The following PRELID2 variants were observed in gnomAD, a reference collection of about 807,000 sequenced individuals.
PRELID2 encodes PRELI domain-containing protein 2.
In PRELID2, 25 loss-of-function variants were observed where a neutral mutation model predicts 28.4. That is an observed-to-expected ratio of 0.88 (90% confidence interval 0.64 to 1.23). The LOEUF (loss-of-function observed/expected upper bound fraction) is 1.23. PRELID2 is among the 50% of genes most tolerant of loss of function. The probability of loss-of-function intolerance (pLI) is 0.00; values close to 1 mark genes in which losing one functional copy is unlikely to be tolerated. For synonymous variants in PRELID2, 76 were observed against 71.6 expected (o/e 1.06, Z -0.31); for missense variants, 201 against 214.4 (o/e 0.94, Z 0.39).
the PRELID2 span, among the ~76,000 whole-genome samples, chr5:145,417,308 C>T: frequency 1.9e-3 from 293 of 152,236 alleles, 2 homozygotes; most frequent in African/African-American, 6.8e-3. Context: ...CAGCTGAATT[C>T]TACCAAAGGT....
the PRELID2 span, among the ~76,000 whole-genome samples, chr5:145,233,965 C>G: frequency 2.6e-5 from 4 of 152,160 alleles, no homozygotes; most frequent in Non-Finnish European, 5.9e-5. Flanking sequence ...ACACTGCTTT[C>G]AGAGTCTTTG....
chr5:145,245,713 G>A, the PRELID2 span, among the ~76,000 whole-genome samples: 24 of 152,154 alleles, frequency 1.6e-4, no homozygotes, highest in African/African-American at 5.8e-4. Flanking sequence ...GTGGATTCAA[G>A]CAGCTCTTAA....
the PRELID2 span, among the ~76,000 whole-genome samples, chr5:145,236,245 T>G: frequency 1.3e-5 from 2 of 152,164 alleles, no homozygotes; most frequent in African/African-American, 4.8e-5. Flanking sequence ...GCTGTGTCTC[T>G]TGCAGTATCC....
the PRELID2 span, among the ~76,000 whole-genome samples, chr5:145,374,938 G>C: frequency 6.6e-6 from 1 of 152,118 alleles, no homozygotes; most frequent in African/African-American, 2.4e-5. Flanking sequence ...TGCTACTTCA[G>C]CTCAGCATTG....
At chr5:145,780,302 C>A (rs1214786066) in intron 5 of PRELID2, among the ~76,000 whole-genome samples, 20 of 152,184 alleles carry the variant, frequency 1.3e-4, no homozygotes, top group Non-Finnish European at 2.8e-4. Flanking sequence ...CGCCTCAAAA[C>A]GACAACAATA....
chr5:145,646,453 T>G (rs1202870299), intron 1 of PRELID2, among the ~76,000 whole-genome samples: 1 of 152,204 alleles, frequency 6.6e-6, no homozygotes, highest in Non-Finnish European at 1.5e-5. Flanking sequence ...TTCAAGGTTC[T>G]TAGCTTCCTT....
the PRELID2 span, among the ~76,000 whole-genome samples, chr5:145,432,347 A>G: frequency 6.6e-6 from 1 of 151,916 alleles, no homozygotes; most frequent in Admixed American, 6.6e-5. Flanking sequence ...TTTAATTTTA[A>G]GGAACTTCCC....
intron 1 of PRELID2, among the ~76,000 whole-genome samples, chr5:145,489,312 A>G (rs1752247785): frequency 1.3e-5 from 2 of 152,342 alleles, no homozygotes; most frequent in East Asian, 1.9e-4. Flanking sequence ...TCAATAACAA[A>G]TAACTTCAGT....
chr5:145,726,565 A>C, intron 1 of PRELID2, among the ~76,000 whole-genome samples: 1 of 152,244 alleles, frequency 6.6e-6, no homozygotes, highest in East Asian at 1.9e-4. Flanking sequence ...ATGTAGACAG[A>C]TAGGCGAATA....
the PRELID2 span, among the ~76,000 whole-genome samples, chr5:145,324,052 A>G: frequency 1.3e-5 from 2 of 152,238 alleles, no homozygotes; most frequent in Non-Finnish European, 2.9e-5. Context: ...TGCTTTCCAC[A>G]ATGGCTGAAT....
At chr5:145,739,870 A>T (rs1182302724) in intron 1 of PRELID2, among the ~76,000 whole-genome samples, 2 of 151,894 alleles carry the variant, frequency 1.3e-5, no homozygotes, top group Non-Finnish European at 1.5e-5. Flanking sequence ...CCATTATGTA[A>T]ATTAATCAAA....
intron 1 of PRELID2, among the ~76,000 whole-genome samples, chr5:145,534,847 T>C (rs1752685962): frequency 6.6e-6 from 1 of 151,984 alleles, no homozygotes; most frequent in Admixed American, 6.6e-5. Flanking sequence ...ACTTCCAGAC[T>C]GTAACTAGAG....
the PRELID2 span, among the ~76,000 whole-genome samples, chr5:145,418,409 C>A: frequency 1.3e-5 from 2 of 152,006 alleles, no homozygotes; most frequent in African/African-American, 4.8e-5. Flanking sequence ...TCATAGAGAA[C>A]CAAAAAATAG....
chr5:145,376,057 T>C, the PRELID2 span, among the ~76,000 whole-genome samples: 684 of 152,342 alleles, frequency 4.5e-3, 2 homozygotes, highest in African/African-American at 0.016. Context: ...CTTATTATTT[T>C]GAGGTATTTG....
chr5:145,761,330 C>T (rs191657602), intron 6 of PRELID2, among the ~76,000 whole-genome samples: 16 of 152,258 alleles, frequency 1.1e-4, no homozygotes, highest in African/African-American at 2.9e-4. Context: ...CCATTGTGTA[C>T]GCGCATTGGA....
intron 1 of PRELID2, among the ~76,000 whole-genome samples, chr5:145,652,744 G>C (rs945663553): frequency 1.2e-4 from 19 of 152,028 alleles, no homozygotes; most frequent in Non-Finnish European, 2.6e-4. Context: ...AGAGCTCCTG[G>C]AGGAAGCACT....
the PRELID2 span, among the ~76,000 whole-genome samples, chr5:145,293,254 A>G: frequency 6.6e-6 from 1 of 152,138 alleles, no homozygotes; most frequent in Non-Finnish European, 1.5e-5. Context: ...CGTTATATAG[A>G]CTTGGGTATC....
rs1304274069 is a variant in PRELID2, at chr5:145,756,593, T to A, written c.*3943A>T. Among the ~76,000 whole-genome samples, 1 of 152,164 alleles carries A rather than the reference T, an allele frequency of 6.6e-6. No homozygotes were observed. The highest frequency in any genetic ancestry group is 1.5e-5 in the Non-Finnish European group (1 of 68,038). ...AAGAGAAATTATTTCTAGCAATATC[T>A]CACTTGCCGCGAGTTCACAAATATG... On this transcript the variant is annotated 3_prime_UTR_variant, in exon 7 of 7. Transcript: ENST00000683046.
At chr5:145,373,069 T>TC in the PRELID2 span, among the ~76,000 whole-genome samples, 5 of 67,262 alleles carry the variant, frequency 7.4e-5, no homozygotes, top group African/African-American at 3.3e-4. Flanking sequence ...TAATATATGA[T>TC]ATATATTACA....
Sources: gnomAD v4.1 joint callset for allele counts (sites outside exome capture counted in the v4.1 genomes callset) on GRCh38, gnomAD v4.1.1 for gene constraint, MANE v1.5 for transcripts, NCBI Gene and HGNC (gene_info 2026-07-23, HGNC 2026-07-21) for gene names.